FGF14: variants seen among roughly 807,000 people sequenced by gnomAD.
The protein encoded by FGF14 is fibroblast growth factor 14, also known as fibroblast growth factor homologous factor 4.
FGF14 carries 5 observed loss-of-function variants against 25.5 expected under a neutral mutation model. The observed-to-expected ratio is 0.20, with a 90% confidence interval of 0.10 to 0.41. FGF14 has a LOEUF of 0.41. Ranked by LOEUF, FGF14 falls within the 10% of genes least tolerant of loss-of-function variation. The probability of loss-of-function intolerance (pLI) is 1.00; values close to 1 mark genes in which losing one functional copy is unlikely to be tolerated. For missense variants in FGF14, 222 were observed against 320.1 expected, an observed-to-expected ratio of 0.69 and a Z score of 2.34; for synonymous variants, 138 against 118.3, an observed-to-expected ratio of 1.17 and a Z score of -1.08.
intron 1 of FGF14, among the ~76,000 whole-genome samples, chr13:102,006,724 C>CTTTTT (rs1566562317): frequency 4.1e-5 from 4 of 97,942 alleles, no homozygotes; most frequent in Admixed American, 1.3e-4. Context: ...CAAAATCTTA[C>CTTTTT]TTCTTTTTTT....
chr13:102,259,328 A>G (rs545951345), intron 1 of FGF14, among the ~76,000 whole-genome samples: 63 of 150,430 alleles, frequency 4.2e-4, no homozygotes, highest in African/African-American at 1.5e-3. Flanking sequence ...GCACATCCCC[A>G]CCCCCTGCCA....
intron 1 of FGF14, among the ~76,000 whole-genome samples, chr13:102,041,238 G>A (rs1385078200): frequency 6.6e-6 from 1 of 151,986 alleles, no homozygotes; most frequent in East Asian, 1.9e-4. Context: ...AAAAGAATGT[G>A]CATCTCAATA....
chr13:102,242,426 C>A (rs1043381982), intron 1 of FGF14, among the ~76,000 whole-genome samples: 1 of 151,986 alleles, frequency 6.6e-6, no homozygotes, highest in Non-Finnish European at 1.5e-5. Context: ...GCTGGCAAGT[C>A]CAAGATCAGG....
At chr13:102,063,229 T>C (rs960828271) in intron 1 of FGF14, among the ~76,000 whole-genome samples, 1 of 152,228 alleles carries the variant, frequency 6.6e-6, no homozygotes, top group Non-Finnish European at 1.5e-5. Context: ...TCTTTGGACA[T>C]AGATACAAAA....
chr13:101,820,400 C>T (rs1017769230), intron 3 of FGF14, among the ~76,000 whole-genome samples: 2 of 151,930 alleles, frequency 1.3e-5, no homozygotes, highest in Non-Finnish European at 2.9e-5. Flanking sequence ...TGGCTGATAA[C>T]AAAATTAAAA....
chr13:101,934,822 G>T (rs2034994947), intron 1 of FGF14, among the ~76,000 whole-genome samples: 1 of 152,190 alleles, frequency 6.6e-6, no homozygotes, highest in South Asian at 2.1e-4. Context: ...CAGACTGTCT[G>T]CCGGGTGAGT....
chr13:101,965,724 GA>G (rs971276023), intron 1 of FGF14, among the ~76,000 whole-genome samples: 6 of 146,464 alleles, frequency 4.1e-5, no homozygotes, highest in Non-Finnish European at 7.5e-5. Context: ...AAAATCTAAA[GA>G]AAAAAAGATG....
intron 3 of FGF14, among the ~76,000 whole-genome samples, chr13:101,816,845 A>G (rs2041870113): frequency 1.3e-5 from 2 of 152,218 alleles, no homozygotes; most frequent in African/African-American, 4.8e-5. Flanking sequence ...TTATTTCTAC[A>G]GCAGAAGGAT....
At chr13:102,293,515 T>C (rs2054537974) in intron 1 of FGF14, 1 of 152,208 alleles carries the variant, frequency 6.6e-6, no homozygotes, top group African/African-American at 2.4e-5. Context: ...GGTTCTCTGT[T>C]GACAGTATTG....
chr13:102,084,034 C>CT (rs368491480), intron 1 of FGF14, among the ~76,000 whole-genome samples: 59 of 151,400 alleles, frequency 3.9e-4, no homozygotes, highest in East Asian at 9.7e-4. Flanking sequence ...TGTAACTGGC[C>CT]TTTTTTTTTC....
chr13:101,926,457 G>A (rs1008089742), intron 1 of FGF14, among the ~76,000 whole-genome samples: 4 of 152,078 alleles, frequency 2.6e-5, no homozygotes, highest in African/African-American at 9.7e-5. Context: ...AGTACCACCT[G>A]CTTACCTGAA....
At chr13:102,084,689 A>G (rs2043806393) in intron 1 of FGF14, among the ~76,000 whole-genome samples, 1 of 152,206 alleles carries the variant, frequency 6.6e-6, no homozygotes, top group African/African-American at 2.4e-5. Flanking sequence ...AAAAGAATAA[A>G]AACCCCAGCA....
rs974777557 is a variant in FGF14 at position 101,956,041 on chromosome 13, G to A, written c.209-80745C>T. The stretch of plus-strand genomic sequence containing the variant: ...GGTGAAGACTCAGAGAGAAATATAA[G>A]GAAGAAACAAAGTGGTCTATAAAAA... On this transcript the variant is annotated intron_variant, in intron 1 of 4. Coordinates refer to the FGF14 transcript ENST00000376131. Among the ~76,000 whole-genome samples the A allele has an allele frequency of 2.6e-5, 4 of 152,094 alleles. No individual in the cohort carries two copies. In the South Asian group the frequency reaches 8.3e-4, roughly 32 times the overall value.
At chr13:102,258,218 G>A (rs935471323) in intron 1 of FGF14, among the ~76,000 whole-genome samples, 6 of 152,114 alleles carry the variant, frequency 3.9e-5, no homozygotes, top group South Asian at 2.1e-4. Flanking sequence ...CCCATAACAC[G>A]TGGGAATTAT....
chr13:101,893,325 A>C (rs2030060854), intron 1 of FGF14, among the ~76,000 whole-genome samples: 1 of 152,142 alleles, frequency 6.6e-6, no homozygotes, highest in Non-Finnish European at 1.5e-5. Flanking sequence ...TTGTACCATC[A>C]CAATATTCTG....
chr13:102,019,362 G>A (rs2040513249), intron 1 of FGF14, among the ~76,000 whole-genome samples: 1 of 152,152 alleles, frequency 6.6e-6, no homozygotes, highest in Non-Finnish European at 1.5e-5. Flanking sequence ...CACCCTCTGT[G>A]TCTACCCACC....
At position 101,726,640 on chromosome 13, in the gene FGF14, T is replaced by A. The variant is rs138607344; in HGVS notation, c.579A>T (p.Ala193=). The change falls in exon 4 of 5, where the codon GCA becomes GCT. Residue 193 remains alanine (A), a synonymous_variant. Transcript: ENST00000376143. ...KGNRVKKTKP[A]AHFLPKPLEV... is the part of the protein sequence containing the mutation. The stretch of plus-strand genomic sequence containing the variant: ...CCAATGGCTTGGGTAGAAAATGAGC[T>A]GCTGGTTTGGTTTTCTTTACTCTGT... The A allele has an allele frequency of 2.2e-4, 350 of 1,613,362 alleles. No individual in the cohort carries two copies. The highest frequency in any genetic ancestry group is 1.1e-3 in the Admixed American group (64 of 59,896).
intron 1 of FGF14, among the ~76,000 whole-genome samples, chr13:102,079,816 A>C (rs2043533298): frequency 6.6e-6 from 1 of 152,206 alleles, no homozygotes; most frequent in Non-Finnish European, 1.5e-5. Context: ...AGGCATTGTT[A>C]CAGTGTGCCA....
At chr13:102,300,920 GACACACACACACACACATACACAC>G (rs1471483518) in intron 1 of FGF14, among the ~76,000 whole-genome samples, 2 of 85,906 alleles carry the variant, frequency 2.3e-5, no homozygotes, top group Non-Finnish European at 4.7e-5. Flanking sequence ...TATGCACACA[GACACACACACACACACATACACAC>G]ACACACACAC....
Sources: gnomAD v4.1 joint callset for allele counts (sites outside exome capture counted in the v4.1 genomes callset) on GRCh38, gnomAD v4.1.1 for gene constraint, MANE v1.5 for transcripts, NCBI Gene and HGNC (gene_info 2026-07-23, HGNC 2026-07-21) for gene names.